CLEC16A: variants seen among roughly 807,000 people sequenced by gnomAD.
CLEC16A encodes protein CLEC16A.
A neutral mutation model predicts 109.5 loss-of-function variants in CLEC16A; 51 were observed. The ratio of observed to expected loss-of-function variants is 0.47; its 90% CI spans 0.37 to 0.59. CLEC16A has a LOEUF of 0.59. CLEC16A is among the 20% of genes least tolerant of loss of function. The pLI is 0.00. For synonymous variants in CLEC16A, 673 were observed against 564.2 expected (o/e 1.19, Z -2.73); for missense variants, 1,339 against 1,394.0 (o/e 0.96, Z 0.63).
Position 11,047,280 on chromosome 16 carries a change from C to G in CLEC16A, c.1816-12C>G. On this transcript the variant is annotated splice_polypyrimidine_tract_variant and intron_variant, in intron 16 of 23. Transcript: ENST00000409790. ...GAATAATCTCCTCTTCCCTCCCTTC[C>G]TTTCTTTTTAGGGAGAAGACATTTT... 1 of 1,605,042 alleles carries G rather than the reference C, an allele frequency of 6.2e-7. No homozygotes were observed. Among genetic ancestry groups the G allele is most frequent in the Non-Finnish European group, 8.5e-7 (1 of 1,174,602 alleles).
At chr16:11,120,532 TAGAATG>T (rs2052326972) in intron 19 of CLEC16A, 77 bp from the exon 20 acceptor site, 2 of 1,425,538 alleles carry the variant, frequency 1.4e-6, no homozygotes, top group Non-Finnish European at 1.9e-6. Context: ...CTGCTCCTGA[TAGAATG>T]AGAGTCAGCT....
At chr16:11,028,915 T>G (rs2046581625) in intron 13 of CLEC16A, among the ~76,000 whole-genome samples, 1 of 152,248 alleles carries the variant, frequency 6.6e-6, no homozygotes, top group South Asian at 2.1e-4. Context: ...GTTTCCCTTT[T>G]GATTTCTTGT....
intron 11 of CLEC16A, among the ~76,000 whole-genome samples, chr16:11,011,164 G>T (rs1233276848): frequency 1.3e-5 from 2 of 152,174 alleles, no homozygotes; most frequent in Non-Finnish European, 2.9e-5. Context: ...CAGATATTCA[G>T]CCCCTTGTTA....
At chr16:11,028,642 A>T (rs1171833129) in intron 13 of CLEC16A, among the ~76,000 whole-genome samples, 1 of 152,072 alleles carries the variant, frequency 6.6e-6, no homozygotes, top group Admixed American at 6.5e-5. Flanking sequence ...TTTTAAACTA[A>T]CGTACCATAA....
At chr16:11,094,023 G>T (rs984589792) in intron 19 of CLEC16A, among the ~76,000 whole-genome samples, 1 of 152,156 alleles carries the variant, frequency 6.6e-6, no homozygotes, top group Non-Finnish European at 1.5e-5. Flanking sequence ...CGACAGGCAG[G>T]TCCTATCATG....
chr16:11,091,001 C>T (rs530300830), intron 19 of CLEC16A, among the ~76,000 whole-genome samples: 18 of 152,112 alleles, frequency 1.2e-4, no homozygotes, highest in African/African-American at 3.6e-4. Context: ...GGTCTCACTA[C>T]GTTGCCCAGG....
intron 22 of CLEC16A, among the ~76,000 whole-genome samples, chr16:11,133,689 G>A (rs2153052833): frequency 6.6e-6 from 1 of 152,288 alleles, no homozygotes; most frequent in Admixed American, 6.5e-5. Flanking sequence ...TCTCATGGTG[G>A]CATTTTCCAG....
rs531398410 is a variant in CLEC16A, at chr16:11,175,750, A to G, written c.2807-2585A>G. Among the ~76,000 whole-genome samples the G allele has an allele frequency of 7.9e-5, 12 of 152,328 alleles. 1 individual carries two copies. Among genetic ancestry groups the G allele is most frequent in the Middle Eastern group, 3.4e-3 (1 of 294 alleles). ...TGAAGAAGAAATCAGTTCTGTGCGC[A>G]TGCTATTGTTAGTTGGTTTGCTCTT... On this transcript the variant is annotated intron_variant, in intron 23 of 23. Transcript: ENST00000409790.
At chr16:11,028,651 A>G (rs1163215316) in intron 13 of CLEC16A, among the ~76,000 whole-genome samples, 1 of 152,100 alleles carries the variant, frequency 6.6e-6, no homozygotes, top group East Asian at 1.9e-4. Context: ...AACGTACCAT[A>G]AAATTAACTC....
intron 19 of CLEC16A, among the ~76,000 whole-genome samples, chr16:11,065,921 C>G (rs529528051): frequency 6.7e-4 from 102 of 152,322 alleles, no homozygotes; most frequent in African/African-American, 2.3e-3. Context: ...ACAGGGCTTT[C>G]TCACAGGGAC....
At chr16:11,077,115 C>T (rs375541910) in intron 19 of CLEC16A, among the ~76,000 whole-genome samples, 4 of 152,036 alleles carry the variant, frequency 2.6e-5, no homozygotes, top group Non-Finnish European at 5.9e-5. Context: ...GAGGCTGAGG[C>T]GGGAGGATCA....
At chr16:11,089,840 C>G (rs1413650314) in intron 19 of CLEC16A, among the ~76,000 whole-genome samples, 1 of 152,234 alleles carries the variant, frequency 6.6e-6, no homozygotes, top group East Asian at 1.9e-4. Context: ...CCGCCAGGCA[C>G]CGGTCCAAAC....
chr16:11,142,430 T>C (rs2153068001), intron 22 of CLEC16A, among the ~76,000 whole-genome samples: 1 of 152,378 alleles, frequency 6.6e-6, no homozygotes, highest in Middle Eastern at 3.4e-3. Context: ...CCCTTGGCAC[T>C]AAGCAGCTGT....
At position 11,093,525 on chromosome 16, in the gene CLEC16A, A is replaced by G. The variant is rs910275885; in HGVS notation, c.2117-27090A>G. 2.0e-5 allele frequency among the ~76,000 whole-genome samples: 3 copies of G among 152,232 alleles called. No homozygotes were observed. In the South Asian group the frequency reaches 6.2e-4, roughly 32 times the overall value. ...CGGACTCAAGGGTTGGAAGGTGGGC[A>G]GTGACTGGTCACCTTTCTCTTCATA... On this transcript the variant is annotated intron_variant, in intron 19 of 23. Transcript: ENST00000409790.
At chr16:11,097,162 A>G (rs2050654283) in intron 19 of CLEC16A, among the ~76,000 whole-genome samples, 2 of 152,178 alleles carry the variant, frequency 1.3e-5, no homozygotes, top group African/African-American at 4.8e-5. Flanking sequence ...AAAATTCTAG[A>G]ACAGGTTAAA....
chr16:11,158,404 C>G (rs1391669467), intron 22 of CLEC16A, among the ~76,000 whole-genome samples: 1 of 152,204 alleles, frequency 6.6e-6, no homozygotes, highest in Admixed American at 6.5e-5. Flanking sequence ...GCTTTGCAAT[C>G]TGCAACAACC....
At chr16:10,989,359 T>C (rs1247930634) in intron 10 of CLEC16A, among the ~76,000 whole-genome samples, 1 of 152,194 alleles carries the variant, frequency 6.6e-6, no homozygotes, top group Non-Finnish European at 1.5e-5. Flanking sequence ...TAGCTGGGAC[T>C]AAAGGCACAT....
intron 22 of CLEC16A, among the ~76,000 whole-genome samples, chr16:11,139,784 T>C (rs959677531): frequency 2.6e-5 from 4 of 152,168 alleles, no homozygotes; most frequent in Non-Finnish European, 5.9e-5. Flanking sequence ...CCTCTGAAAA[T>C]ATTTGCTAGC....
intron 22 of CLEC16A, among the ~76,000 whole-genome samples, chr16:11,146,800 C>T (rs1301347516): frequency 1.3e-5 from 2 of 151,980 alleles, no homozygotes; most frequent in African/African-American, 2.4e-5. Context: ...GATGGTGGAG[C>T]CAACAGATCT....
Sources: gnomAD v4.1 joint callset for allele counts (sites outside exome capture counted in the v4.1 genomes callset) on GRCh38, gnomAD v4.1.1 for gene constraint, MANE v1.5 for transcripts, NCBI Gene and HGNC (gene_info 2026-07-23, HGNC 2026-07-21) for gene names.